The following RAB11FIP5 variants were observed in gnomAD, a reference collection of about 807,000 sequenced individuals.
The protein encoded by RAB11FIP5 is rab11 family-interacting protein 5.
A neutral mutation model predicts 85.1 loss-of-function variants in RAB11FIP5; 48 were observed. The observed-to-expected ratio is 0.56, with a 90% CI of 0.45 to 0.72. RAB11FIP5 has a LOEUF of 0.72. RAB11FIP5 is among the 30% of genes least tolerant of loss of function. The probability of loss-of-function intolerance (pLI) is 0.00; values close to 1 mark genes in which losing one functional copy is unlikely to be tolerated. For synonymous variants in RAB11FIP5, 729 were observed against 727.3 expected, an observed-to-expected ratio of 1.00 and a Z score of -0.04; for missense variants, 1,491 against 1,687.0, an observed-to-expected ratio of 0.88 and a Z score of 2.04.
rs774431399 is a variant in RAB11FIP5 at position 73,088,961 on chromosome 2, G to A, written c.786C>T (p.Ser262=). The A allele has an allele frequency of 5.6e-6, 9 of 1,613,308 alleles. No homozygotes were observed. The highest frequency in any genetic ancestry group is 3.3e-5 in the South Asian group (3 of 91,026). Residue 262 remains serine (S), a synonymous_variant, in exon 2 of 6, where the codon AGC becomes AGT. Transcript: ENST00000486777. ...LGSDSTLSSA[S]GSLAYQGPGA... is the part of the protein sequence containing the mutation. The stretch of plus-strand genomic sequence containing the variant: ...CAGGTCCCTGGTAGGCCAAGCTCCC[G>A]CTGGCTGAGGACAGGGTGCTGTCCG...
chr2:73,088,318 C>G lies in RAB11FIP5; in HGVS notation c.1300G>C (p.Val434Leu), dbSNP rs760277863. ...GCCACTATGGGTGTGGCAACCTGGA[C>G]TGGCTTGCCCTCTGGTAGCCGGGCC... Reference protein sequence around the residue: ...EGARLPEGKPVQVATPIVASS... With the variant: ...EGARLPEGKPLQVATPIVASS... Residue 434 changes from valine to leucine, a missense_variant, in exon 3 of 6, where the codon GTC becomes CTC. Coordinates refer to ENST00000486777, the MANE Select transcript of RAB11FIP5 (RefSeq NM_001371272.1). The G allele has an allele frequency of 6.2e-7, 1 of 1,613,722 alleles. No individual in the cohort carries two copies. The highest frequency in any genetic ancestry group is 8.5e-7 in the Non-Finnish European group (1 of 1,179,990).
At position 73,078,224 on chromosome 2, in the gene RAB11FIP5, A is replaced by G. The variant is rs1683899478; in HGVS notation, c.3581+1427T>C. On this transcript the variant is annotated intron_variant, in intron 4 of 5. Transcript: ENST00000486777. This position sits in a 1 kb window ranked among gnomAD's most constrained non-coding sequence, Gnocchi z 4.4. ...CTTGGCTTGTTTGCCCCCTTACATC[A>G]GAGGGATCTGGGATCCTAAACCCTG... Among the ~76,000 whole-genome samples, 2 of 152,226 alleles carry G rather than the reference A, an allele frequency of 1.3e-5. No individual in the cohort carries two copies. Among genetic ancestry groups the G allele is most frequent in the Non-Finnish European group, 2.9e-5 (2 of 68,040 alleles).
chr2:73,081,399 C>A lies in RAB11FIP5; in HGVS notation c.1833G>T (p.Glu611Asp). The A allele has an allele frequency of 8.1e-6, 10 of 1,232,548 alleles. No homozygotes were observed. Among genetic ancestry groups the A allele is most frequent in the Non-Finnish European group, 9.1e-6 (9 of 988,208 alleles). 76.4% of individuals were successfully genotyped at this position (1,232,548 alleles called of 1,614,324 possible). ...TSLQSNPFFEELIADIALNSP... is the reference protein window; with the variant it reads ...TSLQSNPFFEDLIADIALNSP... ...AGTTTAGTGCTATGTCGGCTATGAG[C>A]TCCTCGAAGAAGGGGTTGCTCTGCA... The change falls in exon 4 of 6, where the codon GAG becomes GAT. Residue 611 changes from glutamate (E) to aspartate (D), a missense_variant. By Grantham distance (45) the Glu-to-Asp change is conservative (BLOSUM62 2). Coordinates refer to ENST00000486777, the MANE Select transcript of RAB11FIP5 (RefSeq NM_001371272.1). This position sits in a 1 kb window ranked among gnomAD's most constrained non-coding sequence, Gnocchi z 4.2.
In RAB11FIP5 at chr2:73,081,128, C is replaced by T; in HGVS notation, c.2104G>A (p.Gly702Arg). ...CCTCCTCCTCCTCCTCCTCCTCCTC[C>T]CCCAGGCTCTCCCTGGGGCTCAGCT... ...KAAEPQGEPG[G>R]GGGGGGGGGG... is the part of the protein sequence containing the mutation. The change falls in exon 4 of 6, where the codon GGA (glycine) becomes AGA (arginine). Residue 702 changes from glycine (G) to arginine (R), a missense_variant. Around this residue, in one of 3 missense-constraint regions of RAB11FIP5, gnomAD observed 1,211 missense variants for 1,338.0 expected, o/e 0.91. Coordinates refer to ENST00000486777, the MANE Select transcript of RAB11FIP5 (RefSeq NM_001371272.1). This position sits in a 1 kb window ranked among gnomAD's most constrained non-coding sequence, Gnocchi z 4.2. 8.1e-7 allele frequency: 1 copy of T among 1,233,524 alleles called. No individual in the cohort carries two copies. Among genetic ancestry groups the T allele is most frequent in the Non-Finnish European group, 1.0e-6 (1 of 989,412 alleles). The allele number at this position is 1,233,524 out of a possible 1,614,324, so 76.4% of individuals were successfully genotyped here.
At chr2:73,110,309 C>T (rs1357982548) in intron 1 of RAB11FIP5, among the ~76,000 whole-genome samples, 2 of 152,344 alleles carry the variant, frequency 1.3e-5, no homozygotes, top group East Asian at 3.9e-4. Context: ...CAGGGTGCTC[C>T]AGGAAATACC....
At chr2:73,087,817 G>A (rs976068619) in intron 3 of RAB11FIP5, among the ~76,000 whole-genome samples, 16 of 152,106 alleles carry the variant, frequency 1.1e-4, no homozygotes, top group East Asian at 1.9e-4. Context: ...CTGAGAAGTC[G>A]GACCCCTCAA....
intron 1 of RAB11FIP5, among the ~76,000 whole-genome samples, chr2:73,107,911 G>C (rs1684562025): frequency 6.6e-6 from 1 of 152,170 alleles, no homozygotes; most frequent in Non-Finnish European, 1.5e-5. Flanking sequence ...AAGGCTGTGG[G>C]GTCACGCACC....
chr2:73,075,752 G>A lies in RAB11FIP5; in HGVS notation c.3772-28C>T. ...GAGGCCGGACCGAAGACAGTGAGCA[G>A]GGCAGCCCTAGGCCTGCCTGCCTGC... On this transcript the variant is annotated intron_variant, in intron 5 of 5. Transcript: ENST00000486777. The surrounding 1 kb of genome is among the most constrained non-coding windows in gnomAD (Gnocchi z 4.6). 6.4e-7 allele frequency: 1 copy of A among 1,566,864 alleles called. No individual in the cohort carries two copies. Among genetic ancestry groups the A allele is most frequent in the East Asian group, 2.3e-5 (1 of 43,094 alleles).
chr2:73,081,107 C>CTCT lies in RAB11FIP5; in HGVS notation c.2124_2125insAGA (p.Gly708_Gly709insArg). ...CTGCTCCCACCTCTTCCTCCTCCTC[C>CTCT]TCCTCCTCCTCCTCCTCCTCCCCCA... On this transcript the variant is annotated inframe_insertion, in exon 4 of 6. Transcript: ENST00000486777. The surrounding 1 kb of genome is among the most constrained non-coding windows in gnomAD (Gnocchi z 4.2). 1 of 1,222,130 alleles carries CTCT rather than the reference C, an allele frequency of 8.2e-7. No homozygotes were observed. Among genetic ancestry groups the CTCT allele is most frequent in the African/African-American group, 1.6e-5 (1 of 63,914 alleles). The allele number at this position is 1,222,130 out of a possible 1,614,324, so 75.7% of individuals were successfully genotyped here. A position where few individuals can be genotyped will look rare whatever the true frequency, so the allele number is the denominator to read the frequency against.
intron 1 of RAB11FIP5, among the ~76,000 whole-genome samples, chr2:73,108,726 C>A (rs1328477085): frequency 6.6e-6 from 1 of 152,220 alleles, no homozygotes; most frequent in East Asian, 1.9e-4. Flanking sequence ...GAGGCAAACA[C>A]AGGACACCCA....
In RAB11FIP5 at chr2:73,075,588, C is replaced by T. The variant is rs750484417; in HGVS notation, c.3908G>A (p.Arg1303Gln). ...HVQELESYID[R>Q]LLVRIMETSP... is the part of the protein sequence containing the mutation. ...GGTCTCCATGATCCGCACCAGCAGC[C>T]GGTCGATGTAGCTCTCCAGCTCCTG... The change falls in exon 6 of 6, where the codon CGG becomes CAG. Residue 1303 changes from arginine to glutamine, a missense_variant. Coordinates refer to ENST00000486777, the MANE Select transcript of RAB11FIP5 (RefSeq NM_001371272.1). This position sits in a 1 kb window ranked among gnomAD's most constrained non-coding sequence, Gnocchi z 4.6. 1.2e-5 allele frequency: 20 copies of T among 1,614,020 alleles called. No homozygotes were observed. The South Asian group carries it at 1.3e-4, about 11-fold the overall frequency.
chr2:73,073,881 C>G lies in RAB11FIP5; in HGVS notation c.*1640G>C, dbSNP rs1466545523. On this transcript the variant is annotated 3_prime_UTR_variant, in exon 6 of 6. Transcript: ENST00000486777. ...CAGCAGACAGACATCACCCAGAGGGCACGTGTCTGCCTGAGGCCTTCCAAA... is the reference window on the plus strand; with the variant it reads ...CAGCAGACAGACATCACCCAGAGGGGACGTGTCTGCCTGAGGCCTTCCAAA... 6.6e-6 allele frequency: 1 copy of G among 152,234 alleles called. No individual in the cohort carries two copies. The highest frequency in any genetic ancestry group is 6.5e-5 in the Admixed American group (1 of 15,282). The allele number at this position is 152,234 out of a possible 1,614,324, so 9.4% of individuals were successfully genotyped here. A position where few individuals can be genotyped will look rare whatever the true frequency, so the allele number is the denominator to read the frequency against.
rs1382032504 is a variant in RAB11FIP5 at position 73,075,972 on chromosome 2, C to T, written c.3771+21G>A. ...CACCACACATTCTGTCAGATGGCCC[C>T]CACACCCTGCTGGGCCTTACCTTCA... On this transcript the variant is annotated intron_variant, in intron 5 of 5. Coordinates refer to ENST00000486777, the MANE Select transcript of RAB11FIP5 (RefSeq NM_001371272.1). This position sits in a 1 kb window ranked among gnomAD's most constrained non-coding sequence, Gnocchi z 4.6. 1 of 1,602,180 alleles carries T rather than the reference C, an allele frequency of 6.2e-7. No homozygotes were observed. The highest frequency in any genetic ancestry group is 1.7e-5 in the Admixed American group (1 of 59,568).
chr2:73,102,969 G>A (rs1684457980), intron 1 of RAB11FIP5, among the ~76,000 whole-genome samples: 1 of 152,158 alleles, frequency 6.6e-6, no homozygotes, highest in Non-Finnish European at 1.5e-5. Context: ...TGGTGACACA[G>A]TTGGAAAACC....
In RAB11FIP5 at chr2:73,075,580, C is replaced by A. The variant is rs867791046; in HGVS notation, c.3916G>T (p.Val1306Leu). ...GTGGGTGAGGTCTCCATGATCCGCA[C>A]CAGCAGCCGGTCGATGTAGCTCTCC... is the stretch of plus-strand genomic sequence containing the variant. Reference protein sequence around the residue: ...ELESYIDRLLVRIMETSPTLL... With the variant: ...ELESYIDRLLLRIMETSPTLL... Residue 1306 changes from valine to leucine, a missense_variant, in exon 6 of 6, where the codon GTG becomes TTG. Coordinates refer to ENST00000486777, the MANE Select transcript of RAB11FIP5 (RefSeq NM_001371272.1). The surrounding 1 kb of genome is among the most constrained non-coding windows in gnomAD (Gnocchi z 4.6). The A allele has an allele frequency of 1.5e-5, 25 of 1,613,994 alleles. No individual in the cohort carries two copies. The highest frequency in any genetic ancestry group is 1.9e-5 in the Non-Finnish European group (23 of 1,179,984).
rs1345806987 is a variant in RAB11FIP5, at chr2:73,079,668, C to T, written c.3564G>A (p.Glu1188=). The T allele has an allele frequency of 2.4e-6, 3 of 1,233,316 alleles. No individual in the cohort carries two copies. Among genetic ancestry groups the T allele is most frequent in the Non-Finnish European group, 3.0e-6 (3 of 988,958 alleles). The allele number at this position is 1,233,316 out of a possible 1,614,324, so 76.4% of individuals were successfully genotyped here. A position where few individuals can be genotyped will look rare whatever the true frequency, so the allele number is the denominator to read the frequency against. The change falls in exon 4 of 6, where the codon GAG becomes GAA. Residue 1188 remains glutamate, a synonymous_variant. Transcript: ENST00000486777. The stretch of plus-strand genomic sequence containing the variant: ...ATGCTCACCTGGCACTGGGCTGTGG[C>T]TCCTCAGCTGGTCGTGTCTCCAAGG... ...LLPLETRPAE[E]PQPSASPHPV...
In RAB11FIP5 at chr2:73,088,170, A is replaced by G; in HGVS notation, c.1448T>C (p.Leu483Pro). Residue 483 changes from leucine (L) to proline (P), a missense_variant, in exon 3 of 6, where the codon CTG becomes CCG. By Grantham distance (98) the Leu-to-Pro change is moderately conservative. Around this residue, in one of 3 missense-constraint regions of RAB11FIP5, gnomAD observed 1,211 missense variants for 1,338.0 expected, o/e 0.91. Transcript: ENST00000486777. ...SRSELGRRSS[L>P]GEKGGPILGA... ...CAGGATGGGACCCCCCTTTTCCCCC[A>G]GAGAGCTTCGGCGACCCAACTCGCT... 4 of 1,613,960 alleles carry G rather than the reference A, an allele frequency of 2.5e-6. No homozygotes were observed. Among genetic ancestry groups the G allele is most frequent in the Non-Finnish European group, 3.4e-6 (4 of 1,179,990 alleles).
rs1278099281 is a variant in RAB11FIP5 at position 73,075,945 on chromosome 2, T to TC, written c.3771+47dup. The TC allele has an allele frequency of 1.9e-6, 3 of 1,575,128 alleles. No individual in the cohort carries two copies. Among genetic ancestry groups the TC allele is most frequent in the Non-Finnish European group, 2.6e-6 (3 of 1,155,570 alleles). ...CCTCACCAGGACCAAGCCCTGAGAC[T>TC]CCACCACACATTCTGTCAGATGGCC... On this transcript the variant is annotated intron_variant, in intron 5 of 5. Transcript: ENST00000486777. This position sits in a 1 kb window ranked among gnomAD's most constrained non-coding sequence, Gnocchi z 4.6.
At position 73,075,372 on chromosome 2, in the gene RAB11FIP5, C is replaced by T. The variant is rs755820484; in HGVS notation, c.*149G>A. 3.6e-6 allele frequency: 3 copies of T among 840,790 alleles called. No individual in the cohort carries two copies. In the African/African-American group the frequency reaches 5.0e-5, roughly 14 times the overall value. The allele number at this position is 840,790 out of a possible 1,614,324, so 52.1% of individuals were successfully genotyped here. A position where few individuals can be genotyped will look rare whatever the true frequency, so the allele number is the denominator to read the frequency against. Reference sequence around the variant, plus strand: ...AAAGGGAATCCAGAGGGCCCCCTTCCAGCAGCCCCAGTTGAGGCAGGAGGG... The same window carrying T: ...AAAGGGAATCCAGAGGGCCCCCTTCTAGCAGCCCCAGTTGAGGCAGGAGGG... On this transcript the variant is annotated 3_prime_UTR_variant, in exon 6 of 6. Transcript: ENST00000486777. This position sits in a 1 kb window ranked among gnomAD's most constrained non-coding sequence, Gnocchi z 4.6.
Sources: allele counts gnomAD v4.1 joint callset (sites outside exome capture counted in the v4.1 genomes callset), GRCh38; gene constraint gnomAD v4.1.1; regional missense constraint gnomAD v4.1.1; non-coding constraint Gnocchi (gnomAD v3.1); transcripts MANE v1.5; gene names NCBI Gene and HGNC (gene_info 2026-07-23, HGNC 2026-07-21).